Variants in WDR70 observed in about 807,000 individuals in gnomAD.
WDR70 encodes WD repeat-containing protein 70.
WDR70 carries 53 observed loss-of-function variants against 88.6 expected under a neutral mutation model. The observed-to-expected ratio is 0.60, with a 90% CI of 0.48 to 0.75. The LOEUF (loss-of-function observed/expected upper bound fraction) is 0.75, where lower values mean the gene tolerates loss of function less well. Among genes scored for constraint, WDR70 ranks in the 30% least tolerant of loss-of-function variants. The pLI is 0.00. For missense variants in WDR70, 610 were observed against 823.2 expected (o/e 0.74, Z 3.17); for synonymous variants, 280 against 270.0 (o/e 1.04, Z -0.36).
At chr5:37,456,616 G>A (rs1738849121) in intron 7 of WDR70, among the ~76,000 whole-genome samples, 1 of 152,084 alleles carries the variant, frequency 6.6e-6, no homozygotes, top group South Asian at 2.1e-4. Context: ...GAGAGGTTAT[G>A]TCCTAGAAAT....
intron 9 of WDR70, among the ~76,000 whole-genome samples, chr5:37,593,996 GTT>G (rs1743620139): frequency 6.6e-6 from 1 of 151,980 alleles, no homozygotes; most frequent in Non-Finnish European, 1.5e-5. Context: ...TTTTGATGGT[GTT>G]GTTTTTTTCT....
intron 10 of WDR70, among the ~76,000 whole-genome samples, chr5:37,665,755 A>G (rs1745821288): frequency 6.6e-6 from 1 of 152,108 alleles, no homozygotes; most frequent in Non-Finnish European, 1.5e-5. Flanking sequence ...TGTATTTGAA[A>G]TCTCCCTGTT....
At chr5:37,566,207 C>T (rs929657208) in intron 9 of WDR70, among the ~76,000 whole-genome samples, 10 of 152,042 alleles carry the variant, frequency 6.6e-5, no homozygotes, top group African/African-American at 2.2e-4. Context: ...TAATTTAGTA[C>T]ACTGATTCTT....
chr5:37,523,095 G>A (rs1314375102), intron 9 of WDR70, among the ~76,000 whole-genome samples: 1 of 152,208 alleles, frequency 6.6e-6, no homozygotes, highest in Non-Finnish European at 1.5e-5. Context: ...ACCTCTGCAG[G>A]CTTAAATGTC....
intron 9 of WDR70, among the ~76,000 whole-genome samples, chr5:37,569,951 A>G (rs1742852405): frequency 6.6e-6 from 1 of 152,188 alleles, no homozygotes. Context: ...GGCTGGAAAT[A>G]CAGAAGAAAT....
chr5:37,651,870 A>T (rs988137036), intron 10 of WDR70, among the ~76,000 whole-genome samples: 18 of 152,094 alleles, frequency 1.2e-4, no homozygotes, highest in Admixed American at 1.2e-3. Flanking sequence ...CCTTTGTCAG[A>T]TGGATAGATT....
intron 13 of WDR70, among the ~76,000 whole-genome samples, chr5:37,705,949 C>A (rs542092053): frequency 6.6e-6 from 1 of 152,294 alleles, no homozygotes; most frequent in Admixed American, 6.5e-5. Context: ...ACAGAATAAA[C>A]CCCTACATGC....
intron 10 of WDR70, among the ~76,000 whole-genome samples, chr5:37,632,255 T>C (rs182084170): frequency 6.6e-6 from 1 of 152,206 alleles, no homozygotes; most frequent in Non-Finnish European, 1.5e-5. Context: ...CAGTTATGTA[T>C]AGTACAAAAT....
intron 5 of WDR70, among the ~76,000 whole-genome samples, chr5:37,414,040 G>A (rs1212430588): frequency 2.6e-5 from 4 of 151,204 alleles, no homozygotes; most frequent in Admixed American, 6.6e-5. Context: ...AGCTATTTGG[G>A]AGGCTGAGGC....
chr5:37,438,908 G>GTTTT (rs5867350), intron 6 of WDR70, among the ~76,000 whole-genome samples: 1 of 146,224 alleles, frequency 6.8e-6, no homozygotes, highest in Non-Finnish European at 1.5e-5. Flanking sequence ...GTCCTCATTC[G>GTTTT]TTTTTTTTTT....
chr5:37,406,736 T>C (rs1218864663), intron 5 of WDR70, among the ~76,000 whole-genome samples: 4 of 149,368 alleles, frequency 2.7e-5, no homozygotes, highest in Non-Finnish European at 5.9e-5. Flanking sequence ...TTTAACAGGA[T>C]ATCTAATAAA....
chr5:37,421,287 G>A (rs979889374), intron 5 of WDR70, among the ~76,000 whole-genome samples: 34 of 152,172 alleles, frequency 2.2e-4, no homozygotes, highest in African/African-American at 7.7e-4. Context: ...TTTGCCTCAT[G>A]CCCTATCTGT....
At chr5:37,453,003 C>G (rs1336434079) in intron 7 of WDR70, among the ~76,000 whole-genome samples, 3 of 152,220 alleles carry the variant, frequency 2.0e-5, no homozygotes, top group Non-Finnish European at 2.9e-5. Flanking sequence ...TTCTTAGCTT[C>G]TTTCTCACTC....
intron 5 of WDR70, among the ~76,000 whole-genome samples, chr5:37,412,552 C>A (rs1348706587): frequency 6.6e-6 from 1 of 151,976 alleles, no homozygotes; most frequent in Non-Finnish European, 1.5e-5. Flanking sequence ...TTTCCCATTA[C>A]TACAGAAAAT....
At chr5:37,545,037 C>T (rs1419112322) in intron 9 of WDR70, among the ~76,000 whole-genome samples, 1 of 152,128 alleles carries the variant, frequency 6.6e-6, no homozygotes, top group African/African-American at 2.4e-5. Flanking sequence ...CTACATTATT[C>T]ATGAGTGTTT....
chr5:37,388,755 A>C (rs1748712376), intron 3 of WDR70, among the ~76,000 whole-genome samples: 1 of 150,632 alleles, frequency 6.6e-6, no homozygotes, highest in African/African-American at 2.4e-5. Context: ...AAAAAACAAA[A>C]AGAAAAACTA....
intron 17 of WDR70, among the ~76,000 whole-genome samples, chr5:37,742,585 G>A (rs910389712): frequency 6.6e-5 from 10 of 152,070 alleles, no homozygotes; most frequent in African/African-American, 2.4e-4. Flanking sequence ...TAATTTTGAT[G>A]TAGTCCAGTT....
intron 10 of WDR70, among the ~76,000 whole-genome samples, chr5:37,663,290 A>T (rs1290465523): frequency 2.6e-5 from 4 of 152,256 alleles, no homozygotes; most frequent in Non-Finnish European, 5.9e-5. Flanking sequence ...AGTTAACTCC[A>T]GAACATAGTA....
In WDR70 at chr5:37,511,553, T is replaced by C. The variant is rs541709823; in HGVS notation, c.841-4961T>C. On this transcript the variant is annotated intron_variant, in intron 8 of 17. Coordinates refer to ENST00000265107, the MANE Select transcript of WDR70 (RefSeq NM_018034.4). Reference sequence around the variant, plus strand: ...CCTGGTTCCTTTTAAGGAGAGGTGATTGTTAGAGACCAGGATCTCTGTGTT... The same window carrying C: ...CCTGGTTCCTTTTAAGGAGAGGTGACTGTTAGAGACCAGGATCTCTGTGTT... Among the ~76,000 whole-genome samples, 3 of 152,288 alleles carry C rather than the reference T, an allele frequency of 2.0e-5. No homozygotes were observed. The South Asian group carries it at 6.2e-4, about 32-fold the overall frequency.
Sources: allele counts gnomAD v4.1 joint callset (sites outside exome capture counted in the v4.1 genomes callset), GRCh38; gene constraint gnomAD v4.1.1; transcripts MANE v1.5; gene names NCBI Gene and HGNC (gene_info 2026-07-23, HGNC 2026-07-21).